Variants in RBMS3 observed in about 807,000 individuals in gnomAD.
RBMS3 encodes the protein RNA binding motif single stranded interacting protein 3.
RBMS3 carries 27 observed loss-of-function variants against 66.8 expected under a neutral mutation model. The ratio of observed to expected loss-of-function variants is 0.40; its 90% CI spans 0.30 to 0.56. The LOEUF is 0.56. RBMS3 is among the 20% of genes least tolerant of loss of function. The pLI is 0.40. For missense variants in RBMS3, 513 were observed against 549.5 expected, an observed-to-expected ratio of 0.93 and a Z score of 0.66; for synonymous variants, 188 against 183.0, an observed-to-expected ratio of 1.03 and a Z score of -0.22.
chr3:29,856,197 A>G (rs946209583), intron 6 of RBMS3, among the ~76,000 whole-genome samples: 3 of 152,252 alleles, frequency 2.0e-5, no homozygotes, highest in Non-Finnish European at 2.9e-5. Context: ...CATGTTCCCA[A>G]TGAATTTTGA....
intron 6 of RBMS3, among the ~76,000 whole-genome samples, chr3:29,842,024 A>G (rs1221103657): frequency 3.9e-4 from 59 of 152,232 alleles, no homozygotes; most frequent in Non-Finnish European, 8.8e-5. Context: ...GAAGATCTCC[A>G]CAAGGAGAAA....
intron 1 of RBMS3, among the ~76,000 whole-genome samples, chr3:29,314,329 T>G (rs1176843658): frequency 6.6e-6 from 1 of 151,682 alleles, no homozygotes; most frequent in African/African-American, 2.4e-5. Flanking sequence ...TATTATGGGA[T>G]TGAATATTTT....
chr3:29,980,021 G>T (rs772655730), intron 12 of RBMS3, among the ~76,000 whole-genome samples: 5 of 152,066 alleles, frequency 3.3e-5, no homozygotes, highest in Non-Finnish European at 4.4e-5. Context: ...ACTGTCTTCC[G>T]CAATGGTAGA....
At chr3:29,469,765 A>T (rs1486516239) in intron 2 of RBMS3, among the ~76,000 whole-genome samples, 2 of 151,322 alleles carry the variant, frequency 1.3e-5, no homozygotes, top group African/African-American at 2.4e-5. Context: ...AAGCAGATAA[A>T]ATGTCTGTGG....
chr3:29,460,936 C>T (rs189232605), intron 2 of RBMS3, among the ~76,000 whole-genome samples: 33 of 152,240 alleles, frequency 2.2e-4, no homozygotes, highest in African/African-American at 7.7e-4. Flanking sequence ...CTAAACTGCC[C>T]TTAATTCATC....
chr3:29,871,002 C>T (rs1487098984), intron 7 of RBMS3, among the ~76,000 whole-genome samples: 1 of 151,944 alleles, frequency 6.6e-6, no homozygotes, highest in South Asian at 2.1e-4. Context: ...TAACTGTGTG[C>T]CCATCACTTT....
At chr3:29,766,261 A>T (rs1335025264) in intron 6 of RBMS3, 1 of 151,952 alleles carries the variant, frequency 6.6e-6, no homozygotes, top group Non-Finnish European at 1.5e-5. Context: ...GGAGATGCAA[A>T]GCTAATTATT....
At chr3:29,479,982 C>T (rs550958932) in intron 2 of RBMS3, among the ~76,000 whole-genome samples, 1 of 152,188 alleles carries the variant, frequency 6.6e-6, no homozygotes, top group East Asian at 1.9e-4. Flanking sequence ...AGTTTCTGCC[C>T]TAAAAATACT....
rs148208586 is a variant in RBMS3 at position 29,882,061 on chromosome 3, G to A, written c.745-2101G>A. On this transcript the variant is annotated intron_variant, in intron 7 of 14. Transcript: ENST00000383767. ...CCTGTTTTATTCTGCCTGCAGTGCC[G>A]CATCTTGGATAAATTAGGGGAGAGA... 7.1e-3 allele frequency among the ~76,000 whole-genome samples: 1,078 copies of A among 152,150 alleles called. 12 individuals are homozygous for A. The highest frequency in any genetic ancestry group is 7.3e-3 in the Admixed American group (111 of 15,270).
chr3:29,809,774 T>C (rs2057674891), intron 6 of RBMS3, among the ~76,000 whole-genome samples: 2 of 152,008 alleles, frequency 1.3e-5, no homozygotes, highest in Admixed American at 1.3e-4. Context: ...CAGACTGATA[T>C]TTCCTGTGAA....
At chr3:29,479,887 C>G (rs2043072228) in intron 2 of RBMS3, among the ~76,000 whole-genome samples, 1 of 152,182 alleles carries the variant, frequency 6.6e-6, no homozygotes, top group Admixed American at 6.5e-5. Flanking sequence ...ACTGGTTGAG[C>G]TGACAAGCAG....
chr3:29,478,649 G>A (rs1174061557), intron 2 of RBMS3, among the ~76,000 whole-genome samples: 1 of 152,210 alleles, frequency 6.6e-6, no homozygotes, highest in African/African-American at 2.4e-5. Context: ...ATATGTTGCA[G>A]ATTTAATGGA....
chr3:29,661,089 G>A (rs1320384119), intron 4 of RBMS3, among the ~76,000 whole-genome samples: 1 of 152,166 alleles, frequency 6.6e-6, no homozygotes, highest in Non-Finnish European at 1.5e-5. Context: ...CGAGGATTGG[G>A]GTGGGGAATG....
intron 1 of RBMS3, among the ~76,000 whole-genome samples, chr3:29,304,124 G>A (rs1436280015): frequency 6.6e-6 from 1 of 151,890 alleles, no homozygotes; most frequent in African/African-American, 2.4e-5. Context: ...ATATCACATA[G>A]AGAACTCAGT....
At chr3:29,653,339 C>T (rs1311021577) in intron 4 of RBMS3, among the ~76,000 whole-genome samples, 1 of 152,056 alleles carries the variant, frequency 6.6e-6, no homozygotes, top group Non-Finnish European at 1.5e-5. Context: ...ATTACCCTCA[C>T]ACCTGGAAAG....
At chr3:29,378,487 TA>T (rs199545473) in intron 1 of RBMS3, among the ~76,000 whole-genome samples, 401 of 25,978 alleles carry the variant, frequency 0.015, no homozygotes, top group Non-Finnish European at 0.034. Context: ...AATAAAACAT[TA>T]AAAAAAAAAA....
intron 10 of RBMS3, among the ~76,000 whole-genome samples, chr3:29,923,083 G>A (rs1460123430): frequency 9.9e-5 from 15 of 152,152 alleles, no homozygotes; most frequent in Non-Finnish European, 8.8e-5. Context: ...GACCTGTGAG[G>A]GTTTCAAATA....
rs930118028 is a variant in RBMS3 at position 29,331,807 on chromosome 3, G to C, written c.75+50051G>C. 2.1e-5 allele frequency among the ~76,000 whole-genome samples: 3 copies of C among 142,546 alleles called. No homozygotes were observed. In the Admixed American group the frequency reaches 2.1e-4, roughly 10 times the overall value. 93.5% of individuals were successfully genotyped at this position (142,546 alleles called of 152,430 possible). A position where few individuals can be genotyped will look rare whatever the true frequency, so the allele number is the denominator to read the frequency against. ...AATAACAAAACTTACTCAAACCCAGGATAGCTCCTTTTTTTTTTTTTTTTT... is the reference window on the plus strand; with the variant it reads ...AATAACAAAACTTACTCAAACCCAGCATAGCTCCTTTTTTTTTTTTTTTTT... On this transcript the variant is annotated intron_variant, in intron 1 of 14. Transcript: ENST00000383767.
intron 1 of RBMS3, among the ~76,000 whole-genome samples, chr3:29,287,221 A>C (rs1575470754): frequency 6.6e-6 from 1 of 152,144 alleles, no homozygotes; most frequent in East Asian, 1.9e-4. Flanking sequence ...CCATTTTTAA[A>C]ATGTGGAGTG....
Sources: allele counts gnomAD v4.1 joint callset (sites outside exome capture counted in the v4.1 genomes callset), GRCh38; gene constraint gnomAD v4.1.1; transcripts MANE v1.5; gene names NCBI Gene and HGNC (gene_info 2026-07-23, HGNC 2026-07-21).